ARID5B: variants seen among roughly 807,000 people sequenced by gnomAD.
The protein encoded by ARID5B is AT-rich interactive domain-containing protein 5B.
A neutral mutation model predicts 97.2 loss-of-function variants in ARID5B; 13 were observed. The ratio of observed to expected loss-of-function variants is 0.13; its 90% CI spans 0.09 to 0.21. The LOEUF (loss-of-function observed/expected upper bound fraction) is 0.21. Ranked by LOEUF, ARID5B falls within the 10% of genes least tolerant of loss-of-function variation. The pLI is 1.00. For missense variants in ARID5B, 1,210 were observed against 1,465.3 expected, an observed-to-expected ratio of 0.83 and a Z score of 2.84; for synonymous variants, 556 against 570.3, an observed-to-expected ratio of 0.97 and a Z score of 0.36.
At chr10:61,914,260 A>C (rs1333451582) in intron 2 of ARID5B, among the ~76,000 whole-genome samples, 2 of 152,254 alleles carry the variant, frequency 1.3e-5, no homozygotes, top group African/African-American at 4.8e-5. Flanking sequence ...ACTTATGCGA[A>C]CATCTGATAC....
intron 4 of ARID5B, among the ~76,000 whole-genome samples, chr10:62,017,996 A>G (rs1839305272): frequency 6.6e-6 from 1 of 152,232 alleles, no homozygotes; most frequent in Non-Finnish European, 1.5e-5. Context: ...TTGAAAGAAT[A>G]TTTTTAAAGA....
At chr10:62,049,251 C>G (rs1839752377) in intron 4 of ARID5B, 2 of 1,396,892 alleles carry the variant, frequency 1.4e-6, no homozygotes, top group Non-Finnish European at 1.9e-6. Context: ...GCAAAGTCCT[C>G]AGGCTCATCC....
At chr10:61,916,900 C>T (rs1380391026) in intron 2 of ARID5B, among the ~76,000 whole-genome samples, 1 of 152,176 alleles carries the variant, frequency 6.6e-6, no homozygotes, top group Non-Finnish European at 1.5e-5. Flanking sequence ...TAAGTGCCCT[C>T]TGGGTCAGGC....
intron 2 of ARID5B, among the ~76,000 whole-genome samples, chr10:61,938,330 A>G (rs1228639185): frequency 6.6e-6 from 1 of 152,236 alleles, no homozygotes; most frequent in Non-Finnish European, 1.5e-5. Context: ...ACACTCATCT[A>G]CAAACTTGTC....
At position 61,947,261 on chromosome 10, in the gene ARID5B, C is replaced by CTT. The variant is rs199587188; in HGVS notation, c.502+6877_502+6878dup. On this transcript the variant is annotated intron_variant, in intron 3 of 9. Coordinates refer to ENST00000279873, the MANE Select transcript of ARID5B (RefSeq NM_032199.3). ...ACCAGTATATCTTCTCACTTACTTTCTTTTTTTTTTTTTTTTTTTTTTTTT... is the reference window on the plus strand; with the variant it reads ...ACCAGTATATCTTCTCACTTACTTTCTTTTTTTTTTTTTTTTTTTTTTTTTTT... Among the ~76,000 whole-genome samples the CTT allele has an allele frequency of 1.8e-3, 229 of 124,224 alleles. 1 individual carries two copies. The highest frequency in any genetic ancestry group is 9.8e-3 in the Middle Eastern group (2 of 204). 81.5% of individuals were successfully genotyped at this position (124,224 alleles called of 152,430 possible).
chr10:61,917,734 G>T (rs934862349), intron 2 of ARID5B, among the ~76,000 whole-genome samples: 2 of 152,156 alleles, frequency 1.3e-5, no homozygotes, highest in African/African-American at 4.8e-5. Flanking sequence ...AAGAACCGTT[G>T]GTCCCAAAGG....
chr10:61,946,789 C>T (rs1335741388), intron 3 of ARID5B, among the ~76,000 whole-genome samples: 1 of 152,110 alleles, frequency 6.6e-6, no homozygotes, highest in Non-Finnish European at 1.5e-5. Flanking sequence ...GGCATGGTGG[C>T]ATGCGCCTGT....
At position 62,091,825 on chromosome 10, in the gene ARID5B, T is replaced by A. The variant is rs1028412213; in HGVS notation, c.2362T>A (p.Phe788Ile). 1 of 1,613,894 alleles carries A rather than the reference T, an allele frequency of 6.2e-7. No individual in the cohort carries two copies. The highest frequency in any genetic ancestry group is 1.3e-5 in the African/African-American group (1 of 74,898). Residue 788 changes from phenylalanine (F) to isoleucine (I), a missense_variant, in exon 10 of 10, where the codon TTC (phenylalanine) becomes ATC (isoleucine). Physicochemically the swap from Phe to Ile is conservative, Grantham distance 21. Around this residue, in one of 8 missense-constraint regions of ARID5B, gnomAD observed 800 missense variants for 839.1 expected, o/e 0.95. Coordinates refer to ENST00000279873, the MANE Select transcript of ARID5B (RefSeq NM_032199.3). ...TCGATCAGATCCCCACCGCTGCAGCTTCTCCAAGCATCACCTTAACCCCCT... is the reference window on the plus strand; with the variant it reads ...TCGATCAGATCCCCACCGCTGCAGCATCTCCAAGCATCACCTTAACCCCCT... ...LSRSDPHRCSFSKHHLNPLAD... is the reference protein window; with the variant it reads ...LSRSDPHRCSISKHHLNPLAD...
chr10:61,993,316 C>T (rs941704573), intron 3 of ARID5B, among the ~76,000 whole-genome samples: 4 of 152,074 alleles, frequency 2.6e-5, no homozygotes, highest in East Asian at 3.9e-4. Flanking sequence ...GCTATAACCA[C>T]GAATTGATAA....
At chr10:61,910,647 C>T (rs1843786009) in intron 2 of ARID5B, among the ~76,000 whole-genome samples, 1 of 152,164 alleles carries the variant, frequency 6.6e-6, no homozygotes, top group Non-Finnish European at 1.5e-5. Flanking sequence ...CTATGAGCAT[C>T]AGTATCGACA....
Position 62,091,123 on chromosome 10 carries a change from G to T in ARID5B, c.1660G>T (p.Ala554Ser). 1 of 1,614,150 alleles carries T rather than the reference G, an allele frequency of 6.2e-7. No individual in the cohort carries two copies. Among genetic ancestry groups the T allele is most frequent in the South Asian group, 1.1e-5 (1 of 91,084 alleles). The change falls in exon 10 of 10, where the codon GCC (alanine) becomes TCC (serine). Residue 554 changes from alanine to serine, a missense_variant. By Grantham distance (99) the Ala-to-Ser change is moderately conservative. Coordinates refer to ENST00000279873, the MANE Select transcript of ARID5B (RefSeq NM_032199.3). The stretch of plus-strand genomic sequence containing the variant: ...TCCTCTGGCCCCAGAAAAAGATTCA[G>T]CCTTGGTCCCTGGGGCCAGCAAACA... The part of the protein sequence containing the change: ...SAPLAPEKDS[A>S]LVPGASKQPL...
At chr10:62,087,339 A>C (rs1422313902) in intron 9 of ARID5B, among the ~76,000 whole-genome samples, 1 of 149,032 alleles carries the variant, frequency 6.7e-6, no homozygotes, top group Admixed American at 6.7e-5. Flanking sequence ...TCTTAAGTGC[A>C]TATTATTTAT....
intron 7 of ARID5B, among the ~76,000 whole-genome samples, chr10:62,064,652 C>T (rs934132764): frequency 6.6e-6 from 1 of 151,934 alleles, no homozygotes; most frequent in Non-Finnish European, 1.5e-5. Flanking sequence ...ATTATTTTTC[C>T]ACTCACCAGA....
intron 3 of ARID5B, among the ~76,000 whole-genome samples, chr10:61,960,769 C>G (rs1485257387): frequency 6.6e-6 from 1 of 152,154 alleles, no homozygotes; most frequent in African/African-American, 2.4e-5. Context: ...ATCATAGGTG[C>G]TCCGTAGGTA....
intron 3 of ARID5B, among the ~76,000 whole-genome samples, chr10:61,978,063 C>A (rs190630962): frequency 5.3e-4 from 80 of 152,302 alleles, no homozygotes; most frequent in African/African-American, 1.7e-3. Context: ...GATCCAGTTT[C>A]AGCTTTCTAC....
chr10:62,091,037 A>G lies in ARID5B; in HGVS notation c.1574A>G (p.Asn525Ser). The change falls in exon 10 of 10, where the codon AAC (asparagine) becomes AGC (serine). Residue 525 changes from asparagine (N) to serine (S), a missense_variant. By Grantham distance (46) the Asn-to-Ser change is conservative. Transcript: ENST00000279873. ...GACAACGAAACAGACCAAGGTTCCA[A>G]CAGTGAGAAGGTGGCAGAGGAGGCG... ...EKDNETDQGS[N>S]SEKVAEEAGE... is the part of the protein sequence containing the mutation. The G allele has an allele frequency of 6.2e-7, 1 of 1,614,158 alleles. No individual in the cohort carries two copies. Among genetic ancestry groups the G allele is most frequent in the South Asian group, 1.1e-5 (1 of 91,080 alleles).
chr10:61,936,447 G>A (rs1056889995), intron 2 of ARID5B, among the ~76,000 whole-genome samples: 1 of 152,162 alleles, frequency 6.6e-6, no homozygotes, highest in Admixed American at 6.5e-5. Context: ...GTGAAACCCT[G>A]TCTCTACTAA....
intron 3 of ARID5B, among the ~76,000 whole-genome samples, chr10:61,966,311 A>G (rs1838544682): frequency 6.6e-6 from 1 of 152,144 alleles, no homozygotes; most frequent in Non-Finnish European, 1.5e-5. Context: ...GCACGTTTTA[A>G]AATTAGTTTT....
chr10:61,976,858 C>CTTT (rs11332367), intron 3 of ARID5B, among the ~76,000 whole-genome samples: 1 of 145,252 alleles, frequency 6.9e-6, no homozygotes, highest in Non-Finnish European at 1.5e-5. Flanking sequence ...AACTTTCTTT[C>CTTT]TTTTTTTTTT....
Sources: gnomAD v4.1 joint callset for allele counts (sites outside exome capture counted in the v4.1 genomes callset) on GRCh38, gnomAD v4.1.1 for gene constraint, gnomAD v4.1.1 regional missense constraint, MANE v1.5 for transcripts, NCBI Gene and HGNC (gene_info 2026-07-23, HGNC 2026-07-21) for gene names.